Variants in GLIS3 observed in about 807,000 individuals in gnomAD.
GLIS3 encodes the protein GLIS family zinc finger 3.
GLIS3 carries 53 observed loss-of-function variants against 78.6 expected under a neutral mutation model. The observed-to-expected ratio is 0.67, with a 90% CI of 0.54 to 0.85. The LOEUF is 0.85. Among genes scored for constraint, GLIS3 ranks in the 40% least tolerant of loss-of-function variants. GLIS3 has a pLI of 0.00. For synonymous variants in GLIS3, 684 were observed against 509.9 expected (o/e 1.34, Z -4.60); for missense variants, 1,703 against 1,231.1 (o/e 1.38, Z -5.74).
intron 2 of GLIS3, among the ~76,000 whole-genome samples, chr9:4,249,569 G>C (rs373851584): frequency 2.0e-5 from 3 of 152,152 alleles, no homozygotes; most frequent in Non-Finnish European, 4.4e-5. Context: ...TGCAAACAGA[G>C]ACAATTGGAC....
the GLIS3 span, among the ~76,000 whole-genome samples, chr9:4,392,848 G>A: frequency 2.0e-5 from 3 of 151,918 alleles, no homozygotes; most frequent in Non-Finnish European, 4.4e-5. Context: ...ATTACACATA[G>A]ATGCCCTTTG....
At chr9:4,244,796 G>C (rs963767700) in intron 2 of GLIS3, among the ~76,000 whole-genome samples, 1 of 151,972 alleles carries the variant, frequency 6.6e-6, no homozygotes, top group African/African-American at 2.4e-5. Flanking sequence ...GGCTGGTCTC[G>C]AACTCCTGGC....
At chr9:4,451,494 T>G in the GLIS3 span, among the ~76,000 whole-genome samples, 3 of 152,170 alleles carry the variant, frequency 2.0e-5, no homozygotes, top group Non-Finnish European at 2.9e-5. Context: ...CTGCACCAAG[T>G]GAACCTAATA....
the GLIS3 span, among the ~76,000 whole-genome samples, chr9:4,409,341 G>A: frequency 3.3e-5 from 5 of 152,088 alleles, no homozygotes; most frequent in African/African-American, 4.8e-5. Context: ...TGTGAGTGAG[G>A]GAAATGGGAC....
intron 2 of GLIS3, among the ~76,000 whole-genome samples, chr9:4,238,812 G>C (rs1314596021): frequency 6.6e-6 from 1 of 152,106 alleles, no homozygotes; most frequent in African/African-American, 2.4e-5. Context: ...CGTGAGTCAA[G>C]CTTTCCCTGG....
intron 8 of GLIS3, among the ~76,000 whole-genome samples, chr9:3,871,300 C>G (rs1766535929): frequency 6.6e-6 from 1 of 152,148 alleles, no homozygotes; most frequent in African/African-American, 2.4e-5. Context: ...ACAGTGCAAG[C>G]TATTGGTGGA....
chr9:3,933,951 T>C (rs1172333508), intron 5 of GLIS3, among the ~76,000 whole-genome samples: 3 of 152,212 alleles, frequency 2.0e-5, no homozygotes, highest in Admixed American at 1.3e-4. Context: ...GCTGTGTTCA[T>C]TGATTGACTG....
At chr9:4,161,041 C>T (rs1197356743) in intron 2 of GLIS3, among the ~76,000 whole-genome samples, 2 of 140,900 alleles carry the variant, frequency 1.4e-5, no homozygotes, top group East Asian at 2.1e-4. Context: ...ACCAGGAGTT[C>T]GAAATCAGCC....
chr9:4,167,723 G>C (rs116774101), intron 2 of GLIS3, among the ~76,000 whole-genome samples: 4 of 152,304 alleles, frequency 2.6e-5, no homozygotes, highest in African/African-American at 9.6e-5. Context: ...GCTCACTCAC[G>C]TTCCTTTCAC....
chr9:3,972,574 T>C (rs991333176), intron 4 of GLIS3, among the ~76,000 whole-genome samples: 5 of 152,140 alleles, frequency 3.3e-5, no homozygotes, highest in Non-Finnish European at 7.4e-5. Context: ...TGTTTGTTTG[T>C]TTGCTTTCTG....
chr9:4,073,196 C>A (rs1196615243), intron 4 of GLIS3, among the ~76,000 whole-genome samples: 2 of 152,116 alleles, frequency 1.3e-5, no homozygotes, highest in African/African-American at 2.4e-5. Flanking sequence ...GATACATTCA[C>A]CTGCCACAAT....
Position 3,881,156 on chromosome 9 carries a change from G to C in GLIS3, c.2129-1561C>G, listed in dbSNP as rs539108654. On this transcript the variant is annotated intron_variant, in intron 7 of 10. Transcript: ENST00000381971. ...CTCAGGGGAGAAGGCTGTTTGGATT[G>C]ACTGTGGCAATAGTTTCAAAACTGG... is the stretch of plus-strand genomic sequence containing the variant. Among the ~76,000 whole-genome samples the C allele has an allele frequency of 1.6e-4, 24 of 152,290 alleles. 1 individual carries two copies. The highest frequency in any genetic ancestry group is 4.8e-4 in the African/African-American group (20 of 41,570).
chr9:4,195,348 G>A (rs1435366037), intron 2 of GLIS3, among the ~76,000 whole-genome samples: 6 of 152,200 alleles, frequency 3.9e-5, no homozygotes, highest in Admixed American at 1.3e-4. Flanking sequence ...GCAGGCCAGC[G>A]CGAGTTCTGG....
At chr9:4,163,050 C>G (rs1319976067) in intron 2 of GLIS3, among the ~76,000 whole-genome samples, 1 of 152,122 alleles carries the variant, frequency 6.6e-6, no homozygotes, top group Non-Finnish European at 1.5e-5. Flanking sequence ...AGCAACAATG[C>G]CTGGGCATCA....
At chr9:4,368,598 G>A in the GLIS3 span, among the ~76,000 whole-genome samples, 1 of 152,102 alleles carries the variant, frequency 6.6e-6, no homozygotes. Flanking sequence ...TGATCCACCC[G>A]CCTCGGCCTC....
In GLIS3 at chr9:4,118,332, C is replaced by T; in HGVS notation, c.1146G>A (p.Pro382=). 2 of 1,575,692 alleles carry T rather than the reference C, an allele frequency of 1.3e-6. No homozygotes were observed. Among genetic ancestry groups the T allele is most frequent in the Non-Finnish European group, 1.7e-6 (2 of 1,164,220 alleles). ...VLVAPGGLAL[P]AYGEDGALEH... ...CCAGGGCCCCGTCCTCGCCGTAGGC[C>T]GGCAGCGCCAGGCCTCCAGGGGCCA... is the stretch of plus-strand genomic sequence containing the variant. Residue 382 remains proline, a synonymous_variant, in exon 4 of 11, where the codon CCG becomes CCA. Coordinates refer to ENST00000381971, the MANE Select transcript of GLIS3 (RefSeq NM_001042413.2). The surrounding 1 kb of genome is among the most constrained non-coding windows in gnomAD (Gnocchi z 4.7).
the GLIS3 span, among the ~76,000 whole-genome samples, chr9:4,353,509 T>C: frequency 6.6e-6 from 1 of 152,164 alleles, no homozygotes; most frequent in African/African-American, 2.4e-5. Flanking sequence ...GAGTAAGGCA[T>C]TTCCAGAACT....
chr9:4,472,407 T>C, the GLIS3 span, among the ~76,000 whole-genome samples: 11 of 152,274 alleles, frequency 7.2e-5, no homozygotes, highest in South Asian at 2.1e-4. Flanking sequence ...CACATATACA[T>C]CATGGAATAC....
At chr9:4,236,080 T>C (rs1822706801) in intron 2 of GLIS3, among the ~76,000 whole-genome samples, 1 of 148,568 alleles carries the variant, frequency 6.7e-6, no homozygotes, top group African/African-American at 2.5e-5. Context: ...TGTTGACAAC[T>C]GGAGACAAAT....
Sources: gnomAD v4.1 joint callset for allele counts (sites outside exome capture counted in the v4.1 genomes callset) on GRCh38, gnomAD v4.1.1 for gene constraint, Gnocchi (gnomAD v3.1) non-coding constraint, MANE v1.5 for transcripts, NCBI Gene and HGNC (gene_info 2026-07-23, HGNC 2026-07-21) for gene names.